The following FHIT variants were observed in gnomAD, a reference collection of about 807,000 sequenced individuals.
FHIT encodes fragile histidine triad diadenosine triphosphatase, also known as bis(5'-adenosyl)-triphosphatase.
A neutral mutation model predicts 17.9 loss-of-function variants in FHIT; 19 were observed. That is an observed-to-expected ratio of 1.06 (90% CI 0.74 to 1.56). The LOEUF (loss-of-function observed/expected upper bound fraction) is 1.56. Ranked by LOEUF, FHIT falls within the 40% of genes most tolerant of loss-of-function variation. The pLI, the probability that FHIT is intolerant of heterozygous loss-of-function variation, is 0.00. For missense variants in FHIT, 248 were observed against 189.2 expected, an observed-to-expected ratio of 1.31 and a Z score of -1.82; for synonymous variants, 81 against 69.7, an observed-to-expected ratio of 1.16 and a Z score of -0.81.
chr3:60,446,214 T>C (rs937948452), intron 5 of FHIT, among the ~76,000 whole-genome samples: 3 of 152,112 alleles, frequency 2.0e-5, no homozygotes, highest in Non-Finnish European at 4.4e-5. Context: ...GGGGCATCAT[T>C]GAGATTCTTT....
intron 5 of FHIT, among the ~76,000 whole-genome samples, chr3:60,257,326 A>G (rs916740039): frequency 3.3e-5 from 5 of 152,202 alleles, no homozygotes; most frequent in Non-Finnish European, 7.3e-5. Context: ...AATTAAATCC[A>G]GAAACGTTAC....
intron 3 of FHIT, among the ~76,000 whole-genome samples, chr3:60,948,565 C>A (rs1252958039): frequency 2.0e-5 from 3 of 152,162 alleles, no homozygotes; most frequent in Non-Finnish European, 4.4e-5. Flanking sequence ...TTGAATTCCA[C>A]TGGGGACAAG....
intron 8 of FHIT, among the ~76,000 whole-genome samples, chr3:59,907,986 C>T (rs1022399393): frequency 6.6e-6 from 1 of 152,230 alleles, no homozygotes; most frequent in Non-Finnish European, 1.5e-5. Flanking sequence ...CCTCTCTCTT[C>T]CACCTCTGTG....
chr3:59,956,546 T>C (rs567231158), intron 7 of FHIT, among the ~76,000 whole-genome samples: 3 of 152,200 alleles, frequency 2.0e-5, no homozygotes, highest in African/African-American at 7.2e-5. Flanking sequence ...TGTGCATCTA[T>C]AGTCCCAGCT....
At chr3:60,211,018 A>T (rs554809994) in intron 5 of FHIT, among the ~76,000 whole-genome samples, 4 of 147,148 alleles carry the variant, frequency 2.7e-5, no homozygotes, top group Non-Finnish European at 6.0e-5. Flanking sequence ...TAGGGGATGG[A>T]GTGAGAAAAA....
rs1379289634 is a variant in FHIT, at chr3:60,760,950, A to G, written c.-18+60969T>C. On this transcript the variant is annotated intron_variant, in intron 4 of 9. Transcript: ENST00000492590. ...AATATATGGAAATGATCTTTATTTTAGACTCTTTCTCATTTAGCCTGTTGG... is the reference window on the plus strand; with the variant it reads ...AATATATGGAAATGATCTTTATTTTGGACTCTTTCTCATTTAGCCTGTTGG... 2.0e-5 allele frequency among the ~76,000 whole-genome samples: 3 copies of G among 152,148 alleles called. No individual in the cohort carries two copies. The East Asian group carries it at 5.8e-4, about 29-fold the overall frequency.
At chr3:60,124,436 T>C (rs1705446786) in intron 5 of FHIT, among the ~76,000 whole-genome samples, 1 of 152,138 alleles carries the variant, frequency 6.6e-6, no homozygotes, top group Admixed American at 6.5e-5. Context: ...GTGTCTTTCT[T>C]CATCCTTGGA....
chr3:59,922,424 T>C lies in FHIT; in HGVS notation c.280-10A>G, dbSNP rs191547073. ...CATGGACGTGAACGTGCTGAAAATGTACAAGAAAGAAAAAAAATGTGATTA... is the reference window on the plus strand; with the variant it reads ...CATGGACGTGAACGTGCTGAAAATGCACAAGAAAGAAAAAAAATGTGATTA... On this transcript the variant is annotated splice_polypyrimidine_tract_variant and intron_variant, in intron 7 of 9. Transcript: ENST00000492590. 1.1e-3 allele frequency: 1,734 copies of C among 1,611,066 alleles called. 4 individuals are homozygous for C. The highest frequency in any genetic ancestry group is 1.3e-3 in the Non-Finnish European group (1,519 of 1,178,162).
At chr3:60,831,476 G>A (rs573698625) in intron 3 of FHIT, among the ~76,000 whole-genome samples, 2 of 152,266 alleles carry the variant, frequency 1.3e-5, no homozygotes, top group South Asian at 4.1e-4. Context: ...CTTTAGAAAT[G>A]TAGACTCTAA....
chr3:60,711,816 C>T (rs151025239), intron 4 of FHIT, among the ~76,000 whole-genome samples: 72 of 152,180 alleles, frequency 4.7e-4, no homozygotes, highest in African/African-American at 1.6e-3. Flanking sequence ...CTGAAGGTGA[C>T]GGGGAGAATG....
intron 4 of FHIT, among the ~76,000 whole-genome samples, chr3:60,584,520 G>C (rs2037847275): frequency 6.6e-6 from 1 of 151,994 alleles, no homozygotes; most frequent in Non-Finnish European, 1.5e-5. Flanking sequence ...TCATCCTTGA[G>C]TTACTACTCC....
intron 5 of FHIT, among the ~76,000 whole-genome samples, chr3:60,346,912 T>C (rs985036761): frequency 6.6e-6 from 1 of 152,214 alleles, no homozygotes; most frequent in Admixed American, 6.5e-5. Flanking sequence ...TTTTAAAATT[T>C]ATTACCTTAA....
intron 7 of FHIT, among the ~76,000 whole-genome samples, chr3:59,928,865 C>T (rs1425578638): frequency 1.3e-5 from 2 of 151,842 alleles, no homozygotes; most frequent in Admixed American, 1.3e-4. Context: ...CATGGTGGCA[C>T]ACACCTGTAA....
At chr3:60,331,157 G>A (rs1487757611) in intron 5 of FHIT, among the ~76,000 whole-genome samples, 1 of 152,114 alleles carries the variant, frequency 6.6e-6, no homozygotes, top group Non-Finnish European at 1.5e-5. Flanking sequence ...ATTTCATGAA[G>A]TACCCTTACC....
chr3:60,442,634 C>T (rs2030989409), intron 5 of FHIT, among the ~76,000 whole-genome samples: 1 of 152,060 alleles, frequency 6.6e-6, no homozygotes, highest in Non-Finnish European at 1.5e-5. Context: ...TGGTCTATAT[C>T]TCTGTTTTGG....
intron 7 of FHIT, among the ~76,000 whole-genome samples, chr3:59,959,190 G>C (rs894176884): frequency 6.6e-6 from 1 of 152,266 alleles, no homozygotes; most frequent in East Asian, 1.9e-4. Context: ...TATAGGGAGA[G>C]TGATGACAAT....
chr3:60,432,883 T>C (rs1378598344), intron 5 of FHIT, among the ~76,000 whole-genome samples: 2 of 149,942 alleles, frequency 1.3e-5, no homozygotes, highest in Non-Finnish European at 3.0e-5. Flanking sequence ...CTTATAAGAT[T>C]AAAACACATC....
intron 2 of FHIT, among the ~76,000 whole-genome samples, chr3:61,178,233 A>T (rs772350983): frequency 6.6e-6 from 1 of 152,066 alleles, no homozygotes; most frequent in Non-Finnish European, 1.5e-5. Flanking sequence ...GAATGAAACC[A>T]TTACTGGACT....
At chr3:59,766,013 C>A (rs1033901513) in intron 8 of FHIT, among the ~76,000 whole-genome samples, 1 of 152,022 alleles carries the variant, frequency 6.6e-6, no homozygotes, top group African/African-American at 2.4e-5. Context: ...CATAGAGATG[C>A]CTAAAACTAT....
Sources: allele counts gnomAD v4.1 joint callset (sites outside exome capture counted in the v4.1 genomes callset), GRCh38; gene constraint gnomAD v4.1.1; transcripts MANE v1.5; gene names NCBI Gene and HGNC (gene_info 2026-07-23, HGNC 2026-07-21).